Variants in UNC13C observed in about 807,000 individuals in gnomAD.
UNC13C encodes the protein protein unc-13 homolog C.
Under a neutral mutation model 245.4 loss-of-function variants are expected in UNC13C, and 174 were observed. That is an observed-to-expected ratio of 0.71 (90% CI 0.63 to 0.80). The LOEUF (loss-of-function observed/expected upper bound fraction) is 0.80. UNC13C is among the 30% of genes least tolerant of loss of function. UNC13C has a pLI of 0.00. For missense variants in UNC13C, 2,829 were observed against 2,602.9 expected, an observed-to-expected ratio of 1.09 and a Z score of -1.89; for synonymous variants, 992 against 895.1, an observed-to-expected ratio of 1.11 and a Z score of -1.93.
rs1353234300 is a variant in UNC13C, at chr15:54,627,774, T to C, written c.*661T>C. ...TATATATTGACAAAACTTTGTTCTC[T>C]AAAACTGCCAAGATCACATCACATT... On this transcript the variant is annotated 3_prime_UTR_variant, in exon 33 of 33. Coordinates refer to ENST00000260323, the MANE Select transcript of UNC13C (RefSeq NM_001080534.3). 2 of 152,634 alleles carry C rather than the reference T, an allele frequency of 1.3e-5. No individual in the cohort carries two copies. The highest frequency in any genetic ancestry group is 2.9e-5 in the Non-Finnish European group (2 of 68,012). The allele number at this position is 152,634 out of a possible 1,614,324, so 9.5% of individuals were successfully genotyped here. A position where few individuals can be genotyped will look rare whatever the true frequency, so the allele number is the denominator to read the frequency against.
At chr15:54,538,656 T>C (rs111716036) in intron 26 of UNC13C, among the ~76,000 whole-genome samples, 5,665 of 152,104 alleles carry the variant, frequency 0.037, 319 homozygotes, top group African/African-American at 0.13. Flanking sequence ...CATGGAATAC[T>C]ACACAGCCAT....
Position 54,323,561 on chromosome 15 carries a change from T to C in UNC13C, c.4425+1466T>C, listed in dbSNP as rs773395307. On this transcript the variant is annotated intron_variant, in intron 14 of 32. Transcript: ENST00000260323. ...AGTTGATAAAAGCTAAAAGTGTCAG[T>C]GTATAAAATATGAGAATTTTGTCTC... 6.6e-5 allele frequency among the ~76,000 whole-genome samples: 10 copies of C among 152,032 alleles called. 1 individual carries two copies. The highest frequency in any genetic ancestry group is 1.3e-4 in the Non-Finnish European group (9 of 67,970).
chr15:54,418,748 A>G (rs1326019364), intron 19 of UNC13C, among the ~76,000 whole-genome samples: 1 of 152,166 alleles, frequency 6.6e-6, no homozygotes, highest in Non-Finnish European at 1.5e-5. Context: ...ATAAAACGGG[A>G]GCAAGAAATG....
intron 2 of UNC13C, among the ~76,000 whole-genome samples, chr15:54,133,843 A>G (rs2031574987): frequency 6.6e-6 from 1 of 152,178 alleles, no homozygotes; most frequent in Admixed American, 6.5e-5. Context: ...TTATATATAT[A>G]TTACACTGCC....
At chr15:53,851,047 C>CTCT in the UNC13C span, among the ~76,000 whole-genome samples, 1 of 151,438 alleles carries the variant, frequency 6.6e-6, no homozygotes, top group Admixed American at 6.6e-5. Flanking sequence ...TCTTTCGTAT[C>CTCT]TTCTATTTCT....
intron 30 of UNC13C, among the ~76,000 whole-genome samples, chr15:54,603,864 C>G (rs541686434): frequency 6.6e-6 from 1 of 152,168 alleles, no homozygotes; most frequent in Admixed American, 6.5e-5. Context: ...CTCCAAAAAA[C>G]AAAACTTCTG....
chr15:54,390,836 GA>G (rs1180512873), intron 17 of UNC13C, among the ~76,000 whole-genome samples: 3 of 152,046 alleles, frequency 2.0e-5, no homozygotes, highest in South Asian at 2.1e-4. Flanking sequence ...TACACCAGAT[GA>G]GACCTCATCC....
At chr15:54,186,836 A>ATATATATATAT (rs1567079825) in intron 4 of UNC13C, among the ~76,000 whole-genome samples, 13 of 126,138 alleles carry the variant, frequency 1.0e-4, no homozygotes, top group Admixed American at 2.3e-4. Flanking sequence ...CAAAGAACAT[A>ATATATATATAT]ATATATATGT....
At chr15:54,476,803 G>T (rs1245454368) in intron 19 of UNC13C, among the ~76,000 whole-genome samples, 3 of 149,934 alleles carry the variant, frequency 2.0e-5, no homozygotes, top group African/African-American at 7.4e-5. Flanking sequence ...CTCTTTTTTG[G>T]TTCCATATGA....
chr15:53,845,630 A>G, the UNC13C span, among the ~76,000 whole-genome samples: 1 of 152,180 alleles, frequency 6.6e-6, no homozygotes, highest in Non-Finnish European at 1.5e-5. Flanking sequence ...AGTTCAATAT[A>G]ATTATAACTA....
chr15:54,250,260 G>T lies in UNC13C; in HGVS notation c.3264G>T (p.Leu1088=), dbSNP rs779166279. ...MHVFKKTLQA[L]IYPMSSTIPH... ...TCTTCAAGAAGACCTTGCAGGCACTGATCTACCCTATGTCTTCTACCATCC... is the reference window on the plus strand; with the variant it reads ...TCTTCAAGAAGACCTTGCAGGCACTTATCTACCCTATGTCTTCTACCATCC... Residue 1088 remains leucine, a synonymous_variant, in exon 8 of 33, where the codon CTG becomes CTT. Transcript: ENST00000260323. 1.4e-5 allele frequency: 23 copies of T among 1,613,972 alleles called. No individual in the cohort carries two copies. In the East Asian group the frequency reaches 5.1e-4, roughly 36 times the overall value.
intron 10 of UNC13C, among the ~76,000 whole-genome samples, chr15:54,292,459 T>C (rs1459138861): frequency 6.6e-6 from 1 of 151,966 alleles, no homozygotes; most frequent in Non-Finnish European, 1.5e-5. Flanking sequence ...CTATGTTAAG[T>C]AGAAACAGTG....
chr15:54,076,693 T>C (rs1369823982), intron 2 of UNC13C, among the ~76,000 whole-genome samples: 1 of 152,114 alleles, frequency 6.6e-6, no homozygotes, highest in African/African-American at 2.4e-5. Flanking sequence ...AAACTAGAAA[T>C]TGGAATTGTC....
At chr15:54,148,443 A>G (rs1007906236) in intron 4 of UNC13C, among the ~76,000 whole-genome samples, 2 of 152,186 alleles carry the variant, frequency 1.3e-5, no homozygotes, top group African/African-American at 2.4e-5. Context: ...CTGGTTTAAC[A>G]TATTTTTAAT....
chr15:54,479,563 G>A (rs530534494), intron 19 of UNC13C, among the ~76,000 whole-genome samples: 2 of 152,086 alleles, frequency 1.3e-5, no homozygotes, highest in Non-Finnish European at 2.9e-5. Flanking sequence ...AAAACAGTTT[G>A]CATTCCAGGT....
intron 2 of UNC13C, among the ~76,000 whole-genome samples, chr15:54,092,843 A>C (rs1321167203): frequency 6.6e-6 from 1 of 152,152 alleles, no homozygotes; most frequent in East Asian, 1.9e-4. Flanking sequence ...CTCATTGGCC[A>C]CCTCAACCAA....
At chr15:54,622,194 C>G (rs1056045487) in intron 30 of UNC13C, 133 bp from the exon 31 acceptor site, 2 of 639,020 alleles carry the variant, frequency 3.1e-6, no homozygotes, top group East Asian at 2.7e-5. Context: ...TTTATCATCA[C>G]CTATTACGCA....
chr15:53,890,436 C>CCAG, the UNC13C span, among the ~76,000 whole-genome samples: 6 of 152,136 alleles, frequency 3.9e-5, no homozygotes, highest in Admixed American at 3.9e-4. Context: ...CCACTGCGCC[C>CCAG]AGCTACCAGT....
chr15:53,884,104 T>TA, the UNC13C span, among the ~76,000 whole-genome samples: 3 of 25,994 alleles, frequency 1.2e-4, no homozygotes, highest in African/African-American at 3.3e-4. Context: ...TCATTGTTGT[T>TA]ACGATGGTTA....
Sources: gnomAD v4.1 joint callset for allele counts (sites outside exome capture counted in the v4.1 genomes callset) on GRCh38, gnomAD v4.1.1 for gene constraint, MANE v1.5 for transcripts, NCBI Gene and HGNC (gene_info 2026-07-23, HGNC 2026-07-21) for gene names.